MACROD2: variants seen among roughly 807,000 people sequenced by gnomAD.
MACROD2 encodes the protein mono-ADP ribosylhydrolase 2.
A neutral mutation model predicts 70.4 loss-of-function variants in MACROD2; 36 were observed. That is an observed-to-expected ratio of 0.51 (90% CI 0.39 to 0.68). The LOEUF is 0.68. MACROD2 is among the 30% of genes least tolerant of loss of function. The probability of loss-of-function intolerance (pLI) is 0.00; values close to 1 mark genes in which losing one functional copy is unlikely to be tolerated. For missense variants in MACROD2, 496 were observed against 538.4 expected (o/e 0.92, Z 0.78); for synonymous variants, 172 against 178.8 (o/e 0.96, Z 0.30).
Position 13,995,868 on chromosome 20 carries a change from G to C in MACROD2, c.46+59G>C. The C allele has an allele frequency of 6.8e-7, 1 of 1,476,542 alleles. No individual in the cohort carries two copies. Among genetic ancestry groups the C allele is most frequent in the Admixed American group, 2.0e-5 (1 of 50,830 alleles). The allele number at this position is 1,476,542 out of a possible 1,614,324, so 91.5% of individuals were successfully genotyped here. A position where few individuals can be genotyped will look rare whatever the true frequency, so the allele number is the denominator to read the frequency against. ...GGTGGGGGTTAGGGTGGGGGCGGGG[G>C]TCAGGCTGTGTGTGCCGCGGCGCCC... On this transcript the variant is annotated intron_variant, in intron 1 of 17. Transcript: ENST00000684519. This position sits in a 1 kb window ranked among gnomAD's most constrained non-coding sequence, Gnocchi z 4.3.
chr20:14,401,658 T>A (rs2083639168), intron 3 of MACROD2, among the ~76,000 whole-genome samples: 1 of 152,184 alleles, frequency 6.6e-6, no homozygotes, highest in Non-Finnish European at 1.5e-5. Context: ...TTCCTTTTTC[T>A]TTGTAAGTCC....
At chr20:15,676,761 T>G (rs978857182) in intron 8 of MACROD2, among the ~76,000 whole-genome samples, 2 of 152,230 alleles carry the variant, frequency 1.3e-5, no homozygotes, top group African/African-American at 4.8e-5. Flanking sequence ...TTACAGCCAA[T>G]GTATCAGAGC....
In MACROD2 at chr20:15,021,094, A is replaced by G. The variant is rs150574030; in HGVS notation, c.419-208846A>G. On this transcript the variant is annotated intron_variant, in intron 5 of 17. Transcript: ENST00000684519. The stretch of plus-strand genomic sequence containing the variant: ...CATGTGTGTATGTGTATACACGTGT[A>G]TGTGTATACACGTGTATGTGTATAC... 4.0e-3 allele frequency among the ~76,000 whole-genome samples: 514 copies of G among 129,172 alleles called. 12 individuals are homozygous for G. The highest frequency in any genetic ancestry group is 5.9e-3 in the Non-Finnish European group (363 of 61,872). The allele number at this position is 129,172 out of a possible 152,430, so 84.7% of individuals were successfully genotyped here. A position where few individuals can be genotyped will look rare whatever the true frequency, so the allele number is the denominator to read the frequency against.
At chr20:15,569,921 G>T (rs1181209168) in intron 8 of MACROD2, among the ~76,000 whole-genome samples, 1 of 152,022 alleles carries the variant, frequency 6.6e-6, no homozygotes, top group Non-Finnish European at 1.5e-5. Flanking sequence ...CATATCTTGG[G>T]TATAGTGAAT....
At chr20:15,738,001 A>T (rs977579511) in intron 8 of MACROD2, among the ~76,000 whole-genome samples, 1 of 152,186 alleles carries the variant, frequency 6.6e-6, no homozygotes, top group African/African-American at 2.4e-5. Context: ...GCTAAAAATT[A>T]AAACAAACTC....
intron 5 of MACROD2, among the ~76,000 whole-genome samples, chr20:14,886,335 A>G (rs1246287804): frequency 6.6e-6 from 1 of 152,182 alleles, no homozygotes; most frequent in African/African-American, 2.4e-5. Context: ...AACTAAGAGG[A>G]AAGCAGAAGA....
chr20:15,205,780 G>T (rs1454560445), intron 5 of MACROD2, among the ~76,000 whole-genome samples: 2 of 152,244 alleles, frequency 1.3e-5, no homozygotes, highest in African/African-American at 4.8e-5. Flanking sequence ...TGATTTTACA[G>T]AATCACTTCA....
intron 6 of MACROD2, among the ~76,000 whole-genome samples, chr20:15,401,334 A>G (rs552445115): frequency 8.2e-4 from 124 of 151,864 alleles, no homozygotes; most frequent in Non-Finnish European, 1.4e-3. Flanking sequence ...CACCACACCC[A>G]GCCAGCTTGT....
intron 4 of MACROD2, among the ~76,000 whole-genome samples, chr20:14,595,229 C>A (rs1312556135): frequency 1.3e-5 from 2 of 152,038 alleles, no homozygotes; most frequent in Non-Finnish European, 2.9e-5. Context: ...TGTCACAGGG[C>A]CATGAAAAAT....
At chr20:15,095,095 T>A (rs111920403) in intron 5 of MACROD2, among the ~76,000 whole-genome samples, 35 of 99,462 alleles carry the variant, frequency 3.5e-4, no homozygotes, top group East Asian at 1.8e-3. Flanking sequence ...TTTTTTTTTT[T>A]AGACAGAGTC....
intron 8 of MACROD2, among the ~76,000 whole-genome samples, chr20:15,577,337 C>T (rs2048462798): frequency 2.0e-5 from 3 of 152,030 alleles, no homozygotes; most frequent in East Asian, 1.9e-4. Flanking sequence ...CCCCACCCTG[C>T]GCTGAGTATT....
intron 5 of MACROD2, among the ~76,000 whole-genome samples, chr20:14,804,160 C>T (rs1265163848): frequency 6.6e-6 from 1 of 151,948 alleles, no homozygotes; most frequent in Non-Finnish European, 1.5e-5. Context: ...TAAATATCAC[C>T]ATTCAAAAAC....
chr20:14,413,761 A>G (rs2083773747), intron 3 of MACROD2, among the ~76,000 whole-genome samples: 2 of 152,268 alleles, frequency 1.3e-5, no homozygotes, highest in South Asian at 2.1e-4. Context: ...CAGAAGTACC[A>G]TGTACCATGT....
intron 9 of MACROD2, among the ~76,000 whole-genome samples, chr20:15,885,337 G>A (rs1601057498): frequency 6.6e-6 from 1 of 152,250 alleles, no homozygotes; most frequent in Non-Finnish European, 1.5e-5. Flanking sequence ...GATTTGACAT[G>A]TGTCGGTCTA....
chr20:14,920,381 C>G (rs186184361), intron 5 of MACROD2, among the ~76,000 whole-genome samples: 20 of 152,256 alleles, frequency 1.3e-4, no homozygotes, highest in African/African-American at 4.8e-4. Flanking sequence ...TAAATCTGAT[C>G]TTATCTAATG....
intron 2 of MACROD2, among the ~76,000 whole-genome samples, chr20:14,044,142 G>A (rs2053432699): frequency 6.6e-6 from 1 of 152,056 alleles, no homozygotes; most frequent in African/African-American, 2.4e-5. Context: ...GTTCGCATGT[G>A]TTCAGAGTTT....
At chr20:14,354,096 G>A (rs2083150402) in intron 3 of MACROD2, among the ~76,000 whole-genome samples, 1 of 152,108 alleles carries the variant, frequency 6.6e-6, no homozygotes, top group Non-Finnish European at 1.5e-5. Context: ...TCAACACTTT[G>A]TTGTTGTATT....
At chr20:14,236,229 C>G (rs1215944455) in intron 3 of MACROD2, among the ~76,000 whole-genome samples, 2 of 152,032 alleles carry the variant, frequency 1.3e-5, no homozygotes, top group Non-Finnish European at 2.9e-5. Context: ...TTGTACTAGT[C>G]ATTCCTTGGA....
intron 6 of MACROD2, among the ~76,000 whole-genome samples, chr20:15,344,167 T>C (rs1276215584): frequency 6.6e-6 from 1 of 152,172 alleles, no homozygotes; most frequent in African/African-American, 2.4e-5. Flanking sequence ...AATACCTAAA[T>C]ATAATTCCCA....
Sources: allele counts gnomAD v4.1 joint callset (sites outside exome capture counted in the v4.1 genomes callset), GRCh38; gene constraint gnomAD v4.1.1; non-coding constraint Gnocchi (gnomAD v3.1); transcripts MANE v1.5; gene names NCBI Gene and HGNC (gene_info 2026-07-23, HGNC 2026-07-21).